The following ANKUB1 variants were observed in gnomAD, a reference collection of about 807,000 sequenced individuals.
ANKUB1 encodes the protein ankyrin repeat and ubiquitin domain containing 1.
ANKUB1 carries 42 observed loss-of-function variants against 49.3 expected under a neutral mutation model. The observed-to-expected ratio is 0.85, with a 90% CI of 0.67 to 1.10. The LOEUF (loss-of-function observed/expected upper bound fraction) is 1.10, where lower values mean the gene tolerates loss of function less well. ANKUB1 is among the 50% of genes least tolerant of loss of function. The pLI is 0.00. For synonymous variants in ANKUB1, 222 were observed against 231.0 expected, an observed-to-expected ratio of 0.96 and a Z score of 0.35; for missense variants, 613 against 642.0, an observed-to-expected ratio of 0.95 and a Z score of 0.49.
chr3:149,792,233 T>C, intron 1 of ANKUB1, 44 bp downstream of exon 1: 1 of 1,384,276 alleles, frequency 7.2e-7, no homozygotes, highest in Non-Finnish European at 9.7e-7. Context: ...ACTGCATTGT[T>C]AAAATTAATA....
intron 2 of ANKUB1, among the ~76,000 whole-genome samples, 196 bp from the exon 3 acceptor site, chr3:149,780,651 G>A (rs755584850): frequency 6.6e-6 from 1 of 152,160 alleles, no homozygotes; most frequent in Non-Finnish European, 1.5e-5. Flanking sequence ...CCCTGTTTGA[G>A]TGAAGTGAAA....
At chr3:149,771,093 G>T (rs185038773) in intron 3 of ANKUB1, among the ~76,000 whole-genome samples, 15 of 152,312 alleles carry the variant, frequency 9.8e-5, no homozygotes, top group African/African-American at 2.9e-4. Context: ...GTGGAAAGAT[G>T]CTCACCAGCT....
intron 2 of ANKUB1, chr3:149,783,790 C>T (rs1262717904): frequency 1.3e-5 from 2 of 152,150 alleles, no homozygotes; most frequent in African/African-American, 4.8e-5. Context: ...AACTTCTCCT[C>T]TTGTGTGGTA....
intron 2 of ANKUB1, among the ~76,000 whole-genome samples, chr3:149,786,342 C>T (rs1019351350): frequency 1.3e-5 from 2 of 152,164 alleles, no homozygotes; most frequent in Admixed American, 1.3e-4. Context: ...GCCTGATGAG[C>T]ATTTTTTCAT....
chr3:149,790,135 A>G (rs935267295), intron 2 of ANKUB1, among the ~76,000 whole-genome samples: 6 of 152,086 alleles, frequency 3.9e-5, no homozygotes, highest in Admixed American at 3.3e-4. Flanking sequence ...AATTCTTTGG[A>G]TCACCCGTTC....
At chr3:149,772,722 G>C (rs1576672881) in intron 3 of ANKUB1, among the ~76,000 whole-genome samples, 1 of 152,178 alleles carries the variant, frequency 6.6e-6, no homozygotes, top group Non-Finnish European at 1.5e-5. Context: ...CACTGTGCCT[G>C]CTTTCCACAG....
chr3:149,768,452 T>C (rs1559862997), intron 4 of ANKUB1, among the ~76,000 whole-genome samples: 2 of 152,228 alleles, frequency 1.3e-5, no homozygotes, highest in African/African-American at 4.8e-5. Flanking sequence ...CAAGTATAGA[T>C]GGTCAAGCAC....
At chr3:149,774,726 GTCC>G (rs1717515636) in intron 3 of ANKUB1, among the ~76,000 whole-genome samples, 1 of 152,218 alleles carries the variant, frequency 6.6e-6, no homozygotes, top group African/African-American at 2.4e-5. Context: ...CAATGAAACA[GTCC>G]TGATAATGCT....
chr3:149,770,619 A>G lies in ANKUB1; in HGVS notation c.507T>C (p.Cys169=), dbSNP rs1158747020. Residue 169 remains cysteine, a synonymous_variant, in exon 4 of 6, where the codon TGT becomes TGC. Coordinates refer to ENST00000446160, the MANE Select transcript of ANKUB1 (RefSeq NM_001144960.3). The part of the protein sequence containing the change: ...WDGWKEFLMG[C]LLGQKLKVQR... Reference sequence around the variant, plus strand: ...GGACTTTAAGTTTTTGTCCAAGGAGACAACCCATCAGAAATTCCTTCCATC... The same window carrying G: ...GGACTTTAAGTTTTTGTCCAAGGAGGCAACCCATCAGAAATTCCTTCCATC... The G allele has an allele frequency of 1.9e-6, 3 of 1,550,380 alleles. No homozygotes were observed. Among genetic ancestry groups the G allele is most frequent in the Non-Finnish European group, 2.6e-6 (3 of 1,146,460 alleles).
intron 4 of ANKUB1, among the ~76,000 whole-genome samples, chr3:149,768,519 G>A (rs961693017): frequency 2.0e-5 from 3 of 152,070 alleles, no homozygotes; most frequent in Admixed American, 2.0e-4. Context: ...CTTGCTATTT[G>A]TGTGACATGG....
chr3:149,769,056 C>T (rs956830683), intron 4 of ANKUB1, among the ~76,000 whole-genome samples: 2 of 152,068 alleles, frequency 1.3e-5, no homozygotes, highest in Non-Finnish European at 2.9e-5. Flanking sequence ...TATCACTACC[C>T]CACAATAGAA....
chr3:149,773,910 C>T (rs200061152), intron 3 of ANKUB1, among the ~76,000 whole-genome samples: 2 of 152,124 alleles, frequency 1.3e-5, no homozygotes, highest in East Asian at 3.9e-4. Flanking sequence ...GTGGCTCACA[C>T]CTGTATTCCC....
rs1304314688 is a variant in ANKUB1 at position 149,767,985 on chromosome 3, G to C, written c.677C>G (p.Pro226Arg). ...GGCTTCATGGCACCATGCTCGATAG[G>C]GGTGAACACCGACTGCCTCGTGGGG... The part of the protein sequence containing the change: ...ARPHEAVGVH[P>R]YRAWCHEALH... The change falls in exon 5 of 6, where the codon CCC becomes CGC. Residue 226 changes from proline to arginine, a missense_variant. Transcript: ENST00000446160. 1 of 1,528,100 alleles carries C rather than the reference G, an allele frequency of 6.5e-7. No individual in the cohort carries two copies. Among genetic ancestry groups the C allele is most frequent in the African/African-American group, 1.4e-5 (1 of 72,590 alleles). The allele number at this position is 1,528,100 out of a possible 1,614,324, so 94.7% of individuals were successfully genotyped here.
Position 149,767,846 on chromosome 3 carries a change from T to C in ANKUB1, c.816A>G (p.Ala272=), listed in dbSNP as rs1454590511. The stretch of plus-strand genomic sequence containing the variant: ...CAATGGTCAGGGGAGTTTGTCCTGC[T>C]GCATTTTTGCATTCCAGGCACAGCA... ...YSVLCLECKN[A]AGQTPLTIVF... is the part of the protein sequence containing the mutation. The change falls in exon 5 of 6, where the codon GCA becomes GCG. Residue 272 remains alanine (A), a synonymous_variant. Transcript: ENST00000446160. 2.6e-6 allele frequency: 4 copies of C among 1,551,738 alleles called. No homozygotes were observed. In the East Asian group the frequency reaches 9.8e-5, roughly 38 times the overall value.
At chr3:149,766,365 A>G (rs957531314) in intron 5 of ANKUB1, among the ~76,000 whole-genome samples, 2 of 152,114 alleles carry the variant, frequency 1.3e-5, no homozygotes, top group Non-Finnish European at 2.9e-5. Context: ...CATTTTCATT[A>G]CCATTTAGTT....
At chr3:149,786,159 C>A (rs1481144915) in intron 2 of ANKUB1, among the ~76,000 whole-genome samples, 1 of 152,160 alleles carries the variant, frequency 6.6e-6, no homozygotes, top group East Asian at 1.9e-4. Flanking sequence ...CCTCAGCCTC[C>A]CCGGTAGCTG....
chr3:149,773,412 C>T (rs1339004548), intron 3 of ANKUB1, among the ~76,000 whole-genome samples: 2 of 152,154 alleles, frequency 1.3e-5, no homozygotes, highest in Admixed American at 6.5e-5. Flanking sequence ...TCACCTGCCT[C>T]GATCCTCATA....
At chr3:149,785,694 T>C (rs1718068506) in intron 2 of ANKUB1, among the ~76,000 whole-genome samples, 1 of 152,222 alleles carries the variant, frequency 6.6e-6, no homozygotes, top group Non-Finnish European at 1.5e-5. Flanking sequence ...AAGTCTTTAC[T>C]GTTGTGAATA....
At chr3:149,781,882 T>C (rs1717886377) in intron 2 of ANKUB1, among the ~76,000 whole-genome samples, 1 of 152,196 alleles carries the variant, frequency 6.6e-6, no homozygotes, top group African/African-American at 2.4e-5. Flanking sequence ...AGCTGCCCAC[T>C]GAGCCTAAAG....
Sources: gnomAD v4.1 joint callset for allele counts (sites outside exome capture counted in the v4.1 genomes callset) on GRCh38, gnomAD v4.1.1 for gene constraint, MANE v1.5 for transcripts, NCBI Gene and HGNC (gene_info 2026-07-23, HGNC 2026-07-21) for gene names.